DHX15: variants seen among roughly 807,000 people sequenced by gnomAD.
DHX15 encodes the protein DEAH-box helicase 15.
DHX15 carries 11 observed loss-of-function variants against 94.4 expected under a neutral mutation model. That is an observed-to-expected ratio of 0.12 (90% CI 0.07 to 0.19). DHX15 has a LOEUF of 0.19. Ranked by LOEUF, DHX15 falls within the 10% of genes least tolerant of loss-of-function variation. DHX15 has a pLI of 1.00. For synonymous variants in DHX15, 338 were observed against 329.9 expected (o/e 1.02, Z -0.27); for missense variants, 304 against 988.5 (o/e 0.31, Z 9.29).
Position 24,542,928 on chromosome 4 carries a change from C to T in DHX15, c.1335+12G>A. The T allele has an allele frequency of 6.2e-7, 1 of 1,603,382 alleles. No homozygotes were observed. The highest frequency in any genetic ancestry group is 8.5e-7 in the Non-Finnish European group (1 of 1,171,242). ...CCAACTCTAATTTATAAAGTATCCA[C>T]TAAATATGTACCTTCTGTTTCGCAA... is the stretch of plus-strand genomic sequence containing the variant. On this transcript the variant is annotated intron_variant, in intron 7 of 13. Transcript: ENST00000336812.
chr4:24,552,475 T>C lies in DHX15; in HGVS notation c.1080+2250A>G, dbSNP rs569876586. The stretch of plus-strand genomic sequence containing the variant: ...TTAACTCATGTGACTACAGAAGCAC[T>C]TTTATTTAGTGGTCAGAATATGTTC... On this transcript the variant is annotated intron_variant, in intron 5 of 13. Transcript: ENST00000336812. 2.0e-5 allele frequency among the ~76,000 whole-genome samples: 3 copies of C among 152,330 alleles called. No homozygotes were observed. The South Asian group carries it at 6.2e-4, about 32-fold the overall frequency.
chr4:24,562,104 C>G (rs1721885252), intron 3 of DHX15, among the ~76,000 whole-genome samples: 1 of 137,030 alleles, frequency 7.3e-6, no homozygotes, highest in Non-Finnish European at 1.5e-5. Flanking sequence ...TCACTGCACT[C>G]CAGCCTGGAA....
At chr4:24,543,808 ATTAGTAT>A (rs1428476353) in intron 6 of DHX15, among the ~76,000 whole-genome samples, 2 of 152,132 alleles carry the variant, frequency 1.3e-5, no homozygotes, top group Non-Finnish European at 2.9e-5. Flanking sequence ...GGGATTCCTC[ATTAGTAT>A]TTTAACTCAG....
At chr4:24,579,591 A>G (rs537567863) in intron 1 of DHX15, among the ~76,000 whole-genome samples, 25 of 152,168 alleles carry the variant, frequency 1.6e-4, no homozygotes, top group Admixed American at 1.4e-3. Flanking sequence ...TCTCAGTTCA[A>G]TCTTGGCTCA....
chr4:24,567,862 T>TA (rs938722107), intron 3 of DHX15, among the ~76,000 whole-genome samples: 4 of 152,048 alleles, frequency 2.6e-5, no homozygotes, highest in African/African-American at 9.7e-5. Flanking sequence ...AGCAAACACA[T>TA]AAAAAAGGAA....
At chr4:24,540,757 ATATAT>A in intron 9 of DHX15, 78 bp downstream of exon 9, 1 of 725,004 alleles carries the variant, frequency 1.4e-6, no homozygotes, top group Non-Finnish European at 2.3e-6. Context: ...TATTTAATAC[ATATAT>A]TAAATAGGAT....
intron 3 of DHX15, among the ~76,000 whole-genome samples, chr4:24,569,761 T>C (rs1454449968): frequency 6.6e-6 from 1 of 151,862 alleles, no homozygotes; most frequent in Admixed American, 6.6e-5. Context: ...TAGATATGAT[T>C]TTTCTTTTTT....
In DHX15 at chr4:24,576,339, G is replaced by A. The variant is rs773782677; in HGVS notation, c.411C>T (p.Leu137=). Reference sequence around the variant, plus strand: ...ACCTATCCTTGTATTCCCAAACAGGGAGCTGAAGACGTTTCTTTAGAATAT... The same window carrying A: ...ACCTATCCTTGTATTCCCAAACAGGAAGCTGAAGACGTTTCTTTAGAATAT... ...YYDILKKRLQ[L]PVWEYKDRFT... is the part of the protein sequence containing the mutation. Residue 137 remains leucine, a synonymous_variant, in exon 2 of 14, where the codon CTC becomes CTT. Transcript: ENST00000336812. The A allele has an allele frequency of 2.8e-5, 46 of 1,614,054 alleles. No individual in the cohort carries two copies. The highest frequency in any genetic ancestry group is 3.3e-4 in the Middle Eastern group (2 of 6,084).
chr4:24,574,225 A>AAAAAAAAAAAAAAAAAAAAAAAT, intron 2 of DHX15, among the ~76,000 whole-genome samples: 1 of 150,538 alleles, frequency 6.6e-6, no homozygotes, highest in Non-Finnish European at 1.5e-5. Flanking sequence ...AAAAAAAAAA[A>AAAAAAAAAAAAAAAAAAAAAAAT]AAAGTTAAAG....
At chr4:24,566,346 T>C (rs1721992155) in intron 3 of DHX15, among the ~76,000 whole-genome samples, 1 of 152,084 alleles carries the variant, frequency 6.6e-6, no homozygotes, top group African/African-American at 2.4e-5. Flanking sequence ...TCAAGGTATT[T>C]TTAAACGAAG....
intron 3 of DHX15, among the ~76,000 whole-genome samples, chr4:24,561,566 G>A (rs1295501346): frequency 1.3e-5 from 2 of 152,076 alleles, no homozygotes; most frequent in African/African-American, 2.4e-5. Flanking sequence ...TCCATTAAAA[G>A]TAGAATTCAT....
intron 2 of DHX15, among the ~76,000 whole-genome samples, chr4:24,574,038 A>G (rs1008358305): frequency 1.7e-5 from 2 of 114,690 alleles, no homozygotes; most frequent in Non-Finnish European, 3.9e-5. Context: ...TCTATTAAAA[A>G]TACAAAAAAA....
intron 3 of DHX15, among the ~76,000 whole-genome samples, chr4:24,569,654 A>G (rs1462328046): frequency 1.3e-5 from 2 of 151,512 alleles, no homozygotes; most frequent in African/African-American, 2.4e-5. Flanking sequence ...AACACTATAT[A>G]TCTCTCTGAC....
intron 6 of DHX15, among the ~76,000 whole-genome samples, chr4:24,548,183 C>T (rs1334122024): frequency 1.4e-5 from 2 of 144,882 alleles, no homozygotes; most frequent in South Asian, 2.2e-4. Flanking sequence ...CGCGCTGTCG[C>T]CCAGGCTGGA....
At chr4:24,573,097 G>A (rs1195608439) in intron 2 of DHX15, among the ~76,000 whole-genome samples, 1 of 152,148 alleles carries the variant, frequency 6.6e-6, no homozygotes, top group Non-Finnish European at 1.5e-5. Flanking sequence ...TTTTAGTAGA[G>A]ATGGGGTTTC....
rs529360028 is a variant in DHX15 at position 24,566,041 on chromosome 4, C to T, written c.701+4613G>A. On this transcript the variant is annotated intron_variant, in intron 3 of 13. Coordinates refer to ENST00000336812, the MANE Select transcript of DHX15 (RefSeq NM_001358.3). ...CCTTTTGATTCTCTTCACAAACCAC[C>T]ATTTTTTTTTTTTTTTAAGAGAGAT... Among the ~76,000 whole-genome samples, 529 of 143,162 alleles carry T rather than the reference C, an allele frequency of 3.7e-3. 3 individuals are homozygous for T. Among genetic ancestry groups the T allele is most frequent in the African/African-American group, 0.014 (513 of 36,616 alleles). 93.9% of individuals were successfully genotyped at this position (143,162 alleles called of 152,430 possible).
chr4:24,543,899 A>G (rs1721369416), intron 6 of DHX15, among the ~76,000 whole-genome samples: 1 of 152,220 alleles, frequency 6.6e-6, no homozygotes, highest in African/African-American at 2.4e-5. Context: ...GATACAGAAG[A>G]TGAATCAAAC....
At chr4:24,582,414 G>A (rs1239507641) in intron 1 of DHX15, among the ~76,000 whole-genome samples, 2 of 152,156 alleles carry the variant, frequency 1.3e-5, no homozygotes, top group African/African-American at 4.8e-5. Context: ...TACATATGGT[G>A]GGACCACTAA....
intron 1 of DHX15, among the ~76,000 whole-genome samples, chr4:24,578,312 TA>T (rs1205076364): frequency 6.6e-6 from 1 of 152,250 alleles, no homozygotes; most frequent in Non-Finnish European, 1.5e-5. Context: ...AGGTGACTGT[TA>T]ATTAAGTGTT....
Sources: gnomAD v4.1 joint callset for allele counts (sites outside exome capture counted in the v4.1 genomes callset) on GRCh38, gnomAD v4.1.1 for gene constraint, MANE v1.5 for transcripts, NCBI Gene and HGNC (gene_info 2026-07-23, HGNC 2026-07-21) for gene names.